Variants in EPG5 observed in about 807,000 individuals in gnomAD.
The protein encoded by EPG5 is ectopic P granules protein 5 homolog.
A neutral mutation model predicts 302.7 loss-of-function variants in EPG5; 159 were observed. That is an observed-to-expected ratio of 0.53 (90% CI 0.46 to 0.60). The LOEUF is 0.60. EPG5 is among the 20% of genes least tolerant of loss of function. The probability of loss-of-function intolerance (pLI) is 0.00; values close to 1 mark genes in which losing one functional copy is unlikely to be tolerated. For synonymous variants in EPG5, 1,158 were observed against 1,136.8 expected (o/e 1.02, Z -0.37); for missense variants, 2,896 against 3,092.4 (o/e 0.94, Z 1.51).
chr18:45,859,286 G>A (rs1368329392), intron 40 of EPG5, among the ~76,000 whole-genome samples: 1 of 152,234 alleles, frequency 6.6e-6, no homozygotes, highest in Non-Finnish European at 1.5e-5. Flanking sequence ...ACACACATGA[G>A]TTTGGAATAG....
intron 22 of EPG5, 59 bp from the exon 23 acceptor site, chr18:45,910,801 G>T: frequency 1.5e-6 from 2 of 1,335,990 alleles, no homozygotes; most frequent in Non-Finnish European, 2.1e-6. Context: ...TTTCTGTATG[G>T]CATAAAATAG....
At chr18:45,805,305 G>A in the EPG5 span, among the ~76,000 whole-genome samples, 7 of 151,826 alleles carry the variant, frequency 4.6e-5, no homozygotes, top group Admixed American at 2.6e-4. Context: ...TGAATGTACT[G>A]TGATAATGTA....
chr18:45,935,021 A>C, intron 10 of EPG5, 55 bp from the exon 11 acceptor site: 2 of 1,518,080 alleles, frequency 1.3e-6, no homozygotes, highest in South Asian at 2.5e-5. Context: ...ACACTAAGAA[A>C]GTAGACAAAC....
chr18:45,868,081 T>C, intron 36 of EPG5: 1 of 472,110 alleles, frequency 2.1e-6, no homozygotes, highest in Non-Finnish European at 4.2e-6. Context: ...ATCAGAATCC[T>C]CAGGTGTGCC....
At chr18:45,946,621 T>G in intron 7 of EPG5, 42 bp downstream of exon 7, 1 of 1,446,984 alleles carries the variant, frequency 6.9e-7, no homozygotes, top group Middle Eastern at 2.1e-4. Context: ...ATAAGAAGAG[T>G]TCACAATGAT....
At chr18:45,837,660 A>C in the EPG5 span, 1 of 1,502,442 alleles carries the variant, frequency 6.7e-7, no homozygotes, top group East Asian at 2.7e-5. Context: ...GGCGAGCCCT[A>C]TGCGGGCCCG....
At chr18:45,943,904 C>T in intron 8 of EPG5, 101 bp downstream of exon 8, 1 of 747,880 alleles carries the variant, frequency 1.3e-6, no homozygotes, top group South Asian at 1.7e-5. Flanking sequence ...CTGGGCGACA[C>T]AGCAAGACTC....
chr18:45,824,018 C>T, the EPG5 span, among the ~76,000 whole-genome samples: 1 of 152,062 alleles, frequency 6.6e-6, no homozygotes, highest in Non-Finnish European at 1.5e-5. Context: ...AGAGATGATA[C>T]TGAGGACTGA....
At chr18:45,835,185 AGC>A in the EPG5 span, among the ~76,000 whole-genome samples, 1 of 152,194 alleles carries the variant, frequency 6.6e-6, no homozygotes, top group African/African-American at 2.4e-5. Flanking sequence ...GTGAACACAA[AGC>A]AAGAGAAGAA....
At chr18:45,816,915 G>A in the EPG5 span, among the ~76,000 whole-genome samples, 1 of 152,100 alleles carries the variant, frequency 6.6e-6, no homozygotes, top group African/African-American at 2.4e-5. Context: ...GTATATATGT[G>A]GTGGAATACT....
Position 45,867,627 on chromosome 18 carries a change from A to C in EPG5, c.6347T>G (p.Met2116Arg). The C allele has an allele frequency of 6.2e-7, 1 of 1,614,078 alleles. No homozygotes were observed. Among genetic ancestry groups the C allele is most frequent in the Non-Finnish European group, 8.5e-7 (1 of 1,179,980 alleles). The change falls in exon 37 of 44, where the codon ATG becomes AGG. Residue 2116 changes from methionine (M) to arginine (R), a missense_variant. Around this residue, in one of 5 missense-constraint regions of EPG5, gnomAD observed 620 missense variants for 704.2 expected, o/e 0.88. Transcript: ENST00000282041. ...CATCATGAAAAGGAGGCAGACAATC[A>C]TGCTGCGGGTTTCTGGGTGGGGACT... ...NSSPHPETRS[M>R]IVCLLFMMIL...
At chr18:45,871,505 A>G (rs909093237) in intron 35 of EPG5, among the ~76,000 whole-genome samples, 1 of 152,238 alleles carries the variant, frequency 6.6e-6, no homozygotes, top group Non-Finnish European at 1.5e-5. Context: ...ATTATTCACA[A>G]TAGCCAAGAT....
chr18:45,926,129 A>G (rs1239393146), intron 13 of EPG5, among the ~76,000 whole-genome samples: 2 of 152,246 alleles, frequency 1.3e-5, no homozygotes, highest in African/African-American at 4.8e-5. Flanking sequence ...GTAAAGATCA[A>G]TCTTTTTAAA....
chr18:45,834,936 G>A, the EPG5 span, among the ~76,000 whole-genome samples: 1 of 152,194 alleles, frequency 6.6e-6, no homozygotes, highest in Non-Finnish European at 1.5e-5. Context: ...TAGAAGTACT[G>A]ACTGAACCAG....
intron 40 of EPG5, 89 bp from the exon 41 acceptor site, chr18:45,858,871 A>T: frequency 1.2e-6 from 1 of 833,292 alleles, no homozygotes; most frequent in Non-Finnish European, 1.8e-6. Flanking sequence ...AAGCTTCATG[A>T]TTTTTTTTTT....
chr18:45,857,703 G>GTTTTTTTTTTTTTTTTTTTTTTT, intron 42 of EPG5, 150 bp downstream of exon 42: 2 of 548,142 alleles, frequency 3.6e-6, no homozygotes, highest in Non-Finnish European at 3.1e-6. Context: ...ATCAGGCTCT[G>GTTTTTTTTTTTTTTTTTTTTTTT]TTTTTTTTTT....
intron 27 of EPG5, 116 bp downstream of exon 27, chr18:45,899,287 TA>T: frequency 8.1e-7 from 1 of 1,230,750 alleles, no homozygotes; most frequent in African/African-American, 1.5e-5. Flanking sequence ...GCAAAACTAG[TA>T]AATGTTTGGG....
chr18:45,828,654 G>A, the EPG5 span, among the ~76,000 whole-genome samples: 2 of 152,190 alleles, frequency 1.3e-5, no homozygotes, highest in African/African-American at 4.8e-5. Flanking sequence ...CCTCTGCAAT[G>A]GGGATTTGGT....
rs1183765332 is a variant in EPG5, at chr18:45,912,293, T to TA, written c.3979dup (p.Tyr1327LeufsTer35). The TA allele has an allele frequency of 6.3e-7, 1 of 1,588,214 alleles. No individual in the cohort carries two copies. The highest frequency in any genetic ancestry group is 1.4e-5 in the African/African-American group (1 of 73,110). On this transcript the variant is annotated frameshift_variant, in exon 22 of 44. Transcript: ENST00000282041. LOFTEE classifies it high-confidence loss of function. ...CCTACAATACTGGGCAGCATACCCA[T>TA]ACTGTGGTCCCGGACGGTGAAGATA...
Sources: gnomAD v4.1 joint callset for allele counts (sites outside exome capture counted in the v4.1 genomes callset) on GRCh38, gnomAD v4.1.1 for gene constraint, gnomAD v4.1.1 regional missense constraint, MANE v1.5 for transcripts, NCBI Gene and HGNC (gene_info 2026-07-23, HGNC 2026-07-21) for gene names.